The following PPFIBP2 variants were observed in gnomAD, a reference collection of about 807,000 sequenced individuals.
PPFIBP2 encodes liprin-beta-2.
A neutral mutation model predicts 118.3 loss-of-function variants in PPFIBP2; 118 were observed. The observed-to-expected ratio is 1.00, with a 90% CI of 0.86 to 1.16. PPFIBP2 has a LOEUF of 1.16. Among genes scored for constraint, PPFIBP2 ranks in the 50% most tolerant of loss-of-function variants. The pLI is 0.00. For missense variants in PPFIBP2, 1,195 were observed against 1,073.1 expected, an observed-to-expected ratio of 1.11 and a Z score of -1.59; for synonymous variants, 414 against 397.4, an observed-to-expected ratio of 1.04 and a Z score of -0.50.
chr11:7,548,888 C>G (rs1852627504), intron 1 of PPFIBP2, among the ~76,000 whole-genome samples: 1 of 152,254 alleles, frequency 6.6e-6, no homozygotes, highest in South Asian at 2.1e-4. Flanking sequence ...AGGCAGTGCA[C>G]CCTTTCCCAA....
At chr11:7,533,277 T>G (rs998341830) in intron 1 of PPFIBP2, among the ~76,000 whole-genome samples, 17 of 152,188 alleles carry the variant, frequency 1.1e-4, no homozygotes, top group Non-Finnish European at 1.0e-4. Flanking sequence ...GTGGAGAAAG[T>G]TCGATGAGAG....
chr11:7,629,021 T>C (rs1445672018), intron 9 of PPFIBP2, among the ~76,000 whole-genome samples: 1 of 152,210 alleles, frequency 6.6e-6, no homozygotes, highest in Non-Finnish European at 1.5e-5. Context: ...AACGATCTTC[T>C]CTGGGAATTT....
intron 5 of PPFIBP2, among the ~76,000 whole-genome samples, chr11:7,603,656 T>G (rs928732102): frequency 6.6e-6 from 1 of 152,190 alleles, no homozygotes; most frequent in Non-Finnish European, 1.5e-5. Flanking sequence ...AAAGGCAAAT[T>G]CTTTTTTTCA....
chr11:7,666,847 T>A, the PPFIBP2 span: 1 of 278,714 alleles, frequency 3.6e-6, no homozygotes, highest in Non-Finnish European at 6.9e-6. Flanking sequence ...CAGGATGGCT[T>A]CACTCGGAGC....
At chr11:7,647,846 T>C (rs1488499487) in intron 17 of PPFIBP2, among the ~76,000 whole-genome samples, 1 of 152,236 alleles carries the variant, frequency 6.6e-6, no homozygotes. Flanking sequence ...GAAAAATATA[T>C]TGTCCTTTTA....
At chr11:7,560,941 G>T (rs1286812634) in intron 2 of PPFIBP2, among the ~76,000 whole-genome samples, 5 of 152,114 alleles carry the variant, frequency 3.3e-5, no homozygotes, top group African/African-American at 1.2e-4. Flanking sequence ...TTCCAGAACT[G>T]CCCATATAAG....
chr11:7,663,891 G>A, the PPFIBP2 span, among the ~76,000 whole-genome samples: 3 of 152,160 alleles, frequency 2.0e-5, no homozygotes, highest in Non-Finnish European at 4.4e-5. Context: ...GCAGTATTCT[G>A]GTGGGAGTGA....
At position 7,653,727 on chromosome 11, in the gene PPFIBP2, C is replaced by T; in HGVS notation, c.*509C>T. 2.4e-6 allele frequency: 3 copies of T among 1,231,604 alleles called. No homozygotes were observed. The highest frequency in any genetic ancestry group is 3.1e-6 in the Non-Finnish European group (3 of 962,958). The allele number at this position is 1,231,604 out of a possible 1,614,324, so 76.3% of individuals were successfully genotyped here. On this transcript the variant is annotated 3_prime_UTR_variant, in exon 24 of 24. Transcript: ENST00000299492. Reference sequence around the variant, plus strand: ...TTACTTCAGAGGTGGTCTCTTCTTTCTTGTAATAAAAGCAATATTTATGCG... The same window carrying T: ...TTACTTCAGAGGTGGTCTCTTCTTTTTTGTAATAAAAGCAATATTTATGCG...
At chr11:7,665,523 C>A in the PPFIBP2 span, 2 of 1,610,966 alleles carry the variant, frequency 1.2e-6, no homozygotes, top group Non-Finnish European at 1.7e-6. Context: ...TCGGCAGTAA[C>A]GAAGCCTGAG....
chr11:7,648,373 T>A lies in PPFIBP2; in HGVS notation c.1647-14T>A. On this transcript the variant is annotated splice_polypyrimidine_tract_variant and intron_variant, in intron 17 of 23. Transcript: ENST00000299492. ...CTCCCACTAACAGGAATATGCTGTT[T>A]TCCTGCTTCCCAGTGACGCCAATGC... 1 of 1,606,398 alleles carries A rather than the reference T, an allele frequency of 6.2e-7. No homozygotes were observed.
chr11:7,578,328 C>A (rs908081382), intron 3 of PPFIBP2, among the ~76,000 whole-genome samples: 1 of 152,146 alleles, frequency 6.6e-6, no homozygotes, highest in East Asian at 1.9e-4. Flanking sequence ...TATTTTCACA[C>A]GAAGGGATTT....
intron 17 of PPFIBP2, among the ~76,000 whole-genome samples, chr11:7,647,000 AAATATTTTCAGGACCC>A (rs1346177565): frequency 6.6e-6 from 1 of 152,110 alleles, no homozygotes; most frequent in Non-Finnish European, 1.5e-5. Context: ...AGGCCTCGTA[AAATATTTTCAGGACCC>A]ATGAAAGCCC....
chr11:7,565,595 C>T lies in PPFIBP2; in HGVS notation c.107C>T (p.Pro36Leu), dbSNP rs1454671240. The T allele has an allele frequency of 6.2e-7, 1 of 1,614,170 alleles. No homozygotes were observed. The highest frequency in any genetic ancestry group is 8.5e-7 in the Non-Finnish European group (1 of 1,180,008). The change falls in exon 3 of 24, where the codon CCT (proline) becomes CTT (leucine). Residue 36 changes from proline to leucine, a missense_variant. By Grantham distance (98) the Pro-to-Leu change is moderately conservative. Transcript: ENST00000299492. ...GATCTTAGTGATGGTACTTGTGAGC[C>T]TGGACTGGCTTCCCCGGCCTCCTAC... is the stretch of plus-strand genomic sequence containing the variant. ...GADLSDGTCE[P>L]GLASPASYMN...
chr11:7,566,794 C>G (rs1026320339), intron 3 of PPFIBP2, among the ~76,000 whole-genome samples: 1 of 152,094 alleles, frequency 6.6e-6, no homozygotes, highest in Non-Finnish European at 1.5e-5. Flanking sequence ...GTGATCAAGT[C>G]AGTCAGGGTA....
Position 7,549,471 on chromosome 11 carries a change from G to C in PPFIBP2, c.-5G>C. The C allele has an allele frequency of 6.4e-7, 1 of 1,559,144 alleles. No homozygotes were observed. The highest frequency in any genetic ancestry group is 8.7e-7 in the Non-Finnish European group (1 of 1,151,042). ...GAGGAGGAGGCCAGGCAGGCAAAAGGAGTCATGGCTTCTGATGCTAGTCAT... is the reference window on the plus strand; with the variant it reads ...GAGGAGGAGGCCAGGCAGGCAAAAGCAGTCATGGCTTCTGATGCTAGTCAT... On this transcript the variant is annotated 5_prime_UTR_variant, in exon 2 of 24. Coordinates refer to ENST00000299492, the MANE Select transcript of PPFIBP2 (RefSeq NM_003621.5).
chr11:7,665,491 A>G, the PPFIBP2 span: 2 of 1,613,766 alleles, frequency 1.2e-6, no homozygotes, highest in Non-Finnish European at 1.7e-6. Flanking sequence ...TCGCTGGAGG[A>G]GGAAGGTGCT....
intron 2 of PPFIBP2, among the ~76,000 whole-genome samples, chr11:7,565,173 AT>A (rs1854814180): frequency 6.6e-6 from 1 of 152,084 alleles, no homozygotes; most frequent in Admixed American, 6.5e-5. Flanking sequence ...CTGTATGCCT[AT>A]TTTTACACTG....
rs1850684389 is a variant in PPFIBP2 at position 7,630,997 on chromosome 11, A to G, written c.1037A>G (p.Asn346Ser). The G allele has an allele frequency of 6.2e-7, 1 of 1,613,942 alleles. No homozygotes were observed. Among genetic ancestry groups the G allele is most frequent in the African/African-American group, 1.3e-5 (1 of 75,046 alleles). The change falls in exon 11 of 24, where the codon AAT becomes AGT. Residue 346 changes from asparagine to serine, a missense_variant. Transcript: ENST00000299492. ...EGGFSKWNAT[N>S]KDPEELFKQE... Reference sequence around the variant, plus strand: ...GGTTTCAGCAAGTGGAACGCTACAAATAAGGACCCTGAAGAATTATTTAAA... The same window carrying G: ...GGTTTCAGCAAGTGGAACGCTACAAGTAAGGACCCTGAAGAATTATTTAAA...
intron 23 of PPFIBP2, 96 bp from the exon 24 acceptor site, chr11:7,652,928 C>T (rs1854262627): frequency 7.3e-7 from 1 of 1,373,714 alleles, no homozygotes; most frequent in Non-Finnish European, 1.0e-6. Flanking sequence ...TATTCCTCTC[C>T]TTGAGTGCCT....
Sources: gnomAD v4.1 joint callset for allele counts (sites outside exome capture counted in the v4.1 genomes callset) on GRCh38, gnomAD v4.1.1 for gene constraint, MANE v1.5 for transcripts, NCBI Gene and HGNC (gene_info 2026-07-23, HGNC 2026-07-21) for gene names.